The following RTN3 variants were observed in gnomAD, a reference collection of about 807,000 sequenced individuals.
RTN3 encodes the protein reticulon 3, also known as reticulon-3.
RTN3 carries 49 observed loss-of-function variants against 77.8 expected under a neutral mutation model. The observed-to-expected ratio is 0.63, with a 90% confidence interval of 0.50 to 0.80. The LOEUF (loss-of-function observed/expected upper bound fraction) is 0.80, where lower values mean the gene tolerates loss of function less well. RTN3 is among the 30% of genes least tolerant of loss of function. The probability of loss-of-function intolerance (pLI) is 0.00; values close to 1 mark genes in which losing one functional copy is unlikely to be tolerated. For synonymous variants in RTN3, 464 were observed against 446.9 expected (o/e 1.04, Z -0.48); for missense variants, 1,236 against 1,211.9 (o/e 1.02, Z -0.29).
chr11:63,752,037 G>A (rs757823395), intron 4 of RTN3, among the ~76,000 whole-genome samples: 8 of 151,880 alleles, frequency 5.3e-5, no homozygotes, highest in African/African-American at 9.7e-5. Context: ...GTTTTTATGT[G>A]TTCTGGGCTG....
intron 1 of RTN3, among the ~76,000 whole-genome samples, chr11:63,682,686 T>C (rs1211151737): frequency 6.6e-6 from 1 of 152,208 alleles, no homozygotes; most frequent in Non-Finnish European, 1.5e-5. Flanking sequence ...AAGCAAGGGC[T>C]GGTTGAGTCC....
chr11:63,743,219 G>T (rs934026826), intron 3 of RTN3, among the ~76,000 whole-genome samples: 1 of 152,070 alleles, frequency 6.6e-6, no homozygotes, highest in African/African-American at 2.4e-5. Flanking sequence ...TTGACTTAGT[G>T]AGCTGGCTAG....
Position 63,683,943 on chromosome 11 carries a change from C to CTTTTTTTTTTTTTTTTTTTTTTT in RTN3, c.142+2172_142+2194dup, listed in dbSNP as rs35837590. On this transcript the variant is annotated intron_variant, in intron 1 of 8. Coordinates refer to ENST00000377819, the MANE Select transcript of RTN3 (RefSeq NM_001265589.2). Reference sequence around the variant, plus strand: ...TATTTCTTTCTCTTTTCTTTTCTTTCTTTTTTTTTTTTTTTTTTTTTTTTT... The same window carrying CTTTTTTTTTTTTTTTTTTTTTTT: ...TATTTCTTTCTCTTTTCTTTTCTTTCTTTTTTTTTTTTTTTTTTTTTTTTTTTTTTTTTTTTTTTTTTTTTTTT... Among the ~76,000 whole-genome samples the CTTTTTTTTTTTTTTTTTTTTTTT allele has an allele frequency of 6.3e-4, 37 of 58,946 alleles. 12 individuals carry two copies. The highest frequency in any genetic ancestry group is 2.7e-3 in the African/African-American group (36 of 13,352). The allele number at this position is 58,946 out of a possible 152,430, so 38.7% of individuals were successfully genotyped here.
intron 2 of RTN3, among the ~76,000 whole-genome samples, chr11:63,707,790 C>T (rs183065228): frequency 3.9e-5 from 6 of 152,268 alleles, no homozygotes; most frequent in Admixed American, 1.3e-4. Context: ...GCCGAGATCA[C>T]GCTATTCATT....
intron 3 of RTN3, among the ~76,000 whole-genome samples, chr11:63,735,386 C>T (rs776965862): frequency 9.9e-5 from 15 of 151,998 alleles, no homozygotes; most frequent in Non-Finnish European, 1.9e-4. Context: ...TACTTAAGAC[C>T]GCAGTACTAA....
At chr11:63,728,123 A>G (rs1044565229) in intron 3 of RTN3, among the ~76,000 whole-genome samples, 12 of 152,216 alleles carry the variant, frequency 7.9e-5, no homozygotes, top group African/African-American at 1.9e-4. Context: ...GATAAAATCT[A>G]GGAGAGATCA....
rs1362770024 is a variant in RTN3 at position 63,758,176 on chromosome 11, G to C, written c.3074G>C (p.Gly1025Ala). 2 of 1,607,536 alleles carry C rather than the reference G, an allele frequency of 1.2e-6. No homozygotes were observed. Among genetic ancestry groups the C allele is most frequent in the African/African-American group, 1.3e-5 (1 of 74,430 alleles). Residue 1025 changes from glycine to alanine, a missense_variant, in exon 9 of 9, where the codon GGA (glycine) becomes GCA (alanine). Around this residue, in one of 3 missense-constraint regions of RTN3, gnomAD observed 141 missense variants for 154.9 expected, o/e 0.91. Transcript: ENST00000377819. Reference sequence around the variant, plus strand: ...AATAGGATCCAAGCAAAACTCCCTGGAATCGCCAAAAAAAAGGCAGAATAA... The same window carrying C: ...AATAGGATCCAAGCAAAACTCCCTGCAATCGCCAAAAAAAAGGCAGAATAA... ...IVEKIQAKLPGIAKKKAE is the reference protein window; with the variant it reads ...IVEKIQAKLPAIAKKKAE
Position 63,720,393 on chromosome 11 carries a change from A to G in RTN3, c.1891A>G (p.Thr631Ala), listed in dbSNP as rs1277876374. 12 of 1,614,086 alleles carry G rather than the reference A, an allele frequency of 7.4e-6. No homozygotes were observed. The highest frequency in any genetic ancestry group is 1.0e-5 in the Non-Finnish European group (12 of 1,180,002). Residue 631 changes from threonine to alanine, a missense_variant, in exon 3 of 9, where the codon ACA becomes GCA. By Grantham distance (58) the Thr-to-Ala change is moderately conservative. This residue lies in a region of RTN3 where 1,056 missense variants were observed against 990.4 expected (regional missense o/e 1.07). Coordinates refer to ENST00000377819, the MANE Select transcript of RTN3 (RefSeq NM_001265589.2). ...NETEFSLNVT[T>A]SAYLESLHGK... ...GACAGAATTCTCATTAAATGTGACAACATCTGCCTATTTGGAGTCATTACA... is the reference window on the plus strand; with the variant it reads ...GACAGAATTCTCATTAAATGTGACAGCATCTGCCTATTTGGAGTCATTACA...
chr11:63,726,278 C>G, intron 3 of RTN3, among the ~76,000 whole-genome samples: 1 of 152,150 alleles, frequency 6.6e-6, no homozygotes, highest in East Asian at 1.9e-4. Context: ...TAAGAAGAGA[C>G]AGCATGAAAT....
intron 1 of RTN3, among the ~76,000 whole-genome samples, chr11:63,700,871 C>T (rs868106373): frequency 6.6e-6 from 1 of 151,886 alleles, no homozygotes; most frequent in Admixed American, 6.6e-5. Context: ...GCGTGCGGAT[C>T]ACGAGGTCAG....
chr11:63,699,630 T>C (rs1267191494), intron 1 of RTN3, among the ~76,000 whole-genome samples: 1 of 152,246 alleles, frequency 6.6e-6, no homozygotes, highest in Non-Finnish European at 1.5e-5. Flanking sequence ...CCAGATTACA[T>C]GGCATTTAAA....
intron 1 of RTN3, among the ~76,000 whole-genome samples, chr11:63,684,156 G>GTT (rs748773157): frequency 0.027 from 1,188 of 44,578 alleles, 10 homozygotes; most frequent in Non-Finnish European, 0.038. Flanking sequence ...TTTTTTTTTG[G>GTT]TTTTTTTTTT....
At chr11:63,710,705 A>T (rs200943270) in intron 2 of RTN3, among the ~76,000 whole-genome samples, 3,053 of 152,146 alleles carry the variant, frequency 0.02, 140 homozygotes, top group Admixed American at 0.11. Flanking sequence ...CACATACCAA[A>T]TGTATTAAGG....
chr11:63,713,003 G>A (rs1327049318), intron 2 of RTN3, among the ~76,000 whole-genome samples: 1 of 152,112 alleles, frequency 6.6e-6, no homozygotes, highest in Non-Finnish European at 1.5e-5. Context: ...GCTGAGGCAG[G>A]AGAATCGCTT....
At chr11:63,701,406 A>G (rs916384972) in intron 1 of RTN3, among the ~76,000 whole-genome samples, 2 of 152,146 alleles carry the variant, frequency 1.3e-5, no homozygotes, top group African/African-American at 4.8e-5. Context: ...TCTAAATTTA[A>G]TCAGCTAAAA....
At chr11:63,721,262 T>C (rs1419263644) in intron 3 of RTN3, among the ~76,000 whole-genome samples, 1 of 152,178 alleles carries the variant, frequency 6.6e-6, no homozygotes, top group Non-Finnish European at 1.5e-5. Context: ...CTTTGTAACA[T>C]TAATCTTCCC....
At chr11:63,729,099 C>T (rs1480964706) in intron 3 of RTN3, among the ~76,000 whole-genome samples, 2 of 151,494 alleles carry the variant, frequency 1.3e-5, no homozygotes, top group African/African-American at 4.8e-5. Flanking sequence ...AACAAAAAAA[C>T]TGCAAGATTA....
In RTN3 at chr11:63,718,780, A is replaced by G. The variant is rs200571079; in HGVS notation, c.278A>G (p.His93Arg). ...TSSFLSSSEI[H>R]NTGLTILHGE... ...TCCTTTCTTTCATCTTCTGAAATAC[A>G]TAACACTGGCCTTACAATACTACAT... is the stretch of plus-strand genomic sequence containing the variant. The change falls in exon 3 of 9, where the codon CAT (histidine) becomes CGT (arginine). Residue 93 changes from histidine to arginine, a missense_variant. This residue lies in a region of RTN3 where 1,056 missense variants were observed against 990.4 expected (regional missense o/e 1.07). Coordinates refer to ENST00000377819, the MANE Select transcript of RTN3 (RefSeq NM_001265589.2). The G allele has an allele frequency of 2.7e-5, 44 of 1,611,858 alleles. No homozygotes were observed. The highest frequency in any genetic ancestry group is 1.7e-4 in the Middle Eastern group (1 of 6,056).
At position 63,758,722 on chromosome 11, in the gene RTN3, C is replaced by T. The variant is rs1283020870; in HGVS notation, c.*521C>T. The T allele has an allele frequency of 1.4e-5, 3 of 221,794 alleles. No individual in the cohort carries two copies. The highest frequency in any genetic ancestry group is 1.9e-4 in the East Asian group (2 of 10,636). 13.7% of individuals were successfully genotyped at this position (221,794 alleles called of 1,614,324 possible). Reference sequence around the variant, plus strand: ...ATGTGAGCAGCTACCCCTGATACTCCTTTTCTTTAATGATTTAACTATCAA... The same window carrying T: ...ATGTGAGCAGCTACCCCTGATACTCTTTTTCTTTAATGATTTAACTATCAA... On this transcript the variant is annotated 3_prime_UTR_variant, in exon 9 of 9. Coordinates refer to ENST00000377819, the MANE Select transcript of RTN3 (RefSeq NM_001265589.2).
Sources: gnomAD v4.1 joint callset for allele counts (sites outside exome capture counted in the v4.1 genomes callset) on GRCh38, gnomAD v4.1.1 for gene constraint, gnomAD v4.1.1 regional missense constraint, MANE v1.5 for transcripts, NCBI Gene and HGNC (gene_info 2026-07-23, HGNC 2026-07-21) for gene names.